The following EFCAB8 variants were observed in gnomAD, a reference collection of about 807,000 sequenced individuals.
The protein encoded by EFCAB8 is EF-hand calcium-binding domain-containing protein 8.
In EFCAB8, 100 loss-of-function variants were observed where a neutral mutation model predicts 116.3. That is an observed-to-expected ratio of 0.86 (90% CI 0.73 to 1.02). The LOEUF (loss-of-function observed/expected upper bound fraction) is 1.02. Among genes scored for constraint, EFCAB8 ranks in the 50% least tolerant of loss-of-function variants. The pLI is 0.00. For missense variants in EFCAB8, 1,320 were observed against 1,416.9 expected (o/e 0.93, Z 1.10); for synonymous variants, 558 against 567.9 (o/e 0.98, Z 0.25).
Position 32,961,161 on chromosome 20 carries a change from T to C in EFCAB8, c.3419T>C (p.Leu1140Pro). 6.4e-7 allele frequency: 1 copy of C among 1,552,258 alleles called. No individual in the cohort carries two copies. Among genetic ancestry groups the C allele is most frequent in the East Asian group, 2.4e-5 (1 of 40,910 alleles). ...HQISPQVYQS[L>P]HFSDLMPTQQ... Reference sequence around the variant, plus strand: ...ATCTCGCCTCAGGTCTACCAAAGCCTGCACTTCAGTGATCTGATGCCGACT... The same window carrying C: ...ATCTCGCCTCAGGTCTACCAAAGCCCGCACTTCAGTGATCTGATGCCGACT... Residue 1140 changes from leucine (L) to proline (P), a missense_variant, in exon 27 of 27, where the codon CTG (leucine) becomes CCG (proline). By Grantham distance (98) the Leu-to-Pro change is moderately conservative (BLOSUM62 -3). Transcript: ENST00000400522.
intron 7 of EFCAB8, among the ~76,000 whole-genome samples, chr20:32,890,000 T>TAA (rs35488921): frequency 1.3e-4 from 15 of 113,478 alleles, no homozygotes; most frequent in East Asian, 5.5e-4. Flanking sequence ...GACTCAGTCT[T>TAA]AAAAAAAAAA....
At chr20:32,951,138 G>A (rs6119310) in intron 23 of EFCAB8, among the ~76,000 whole-genome samples, 35,212 of 152,146 alleles carry the variant, frequency 0.23, 4,454 homozygotes, top group Middle Eastern at 0.3. Context: ...AAGCATTTTG[G>A]CAGTTTCTTA....
chr20:32,935,172 T>TTTTC (rs1396936973), intron 22 of EFCAB8, among the ~76,000 whole-genome samples: 10 of 105,744 alleles, frequency 9.5e-5, no homozygotes, highest in Non-Finnish European at 1.8e-4. Context: ...TTCTCTTCTC[T>TTTTC]TTTCTTTCTT....
At chr20:32,931,981 T>C (rs113346630) in intron 22 of EFCAB8, among the ~76,000 whole-genome samples, 45 of 151,774 alleles carry the variant, frequency 3.0e-4, no homozygotes, top group Middle Eastern at 3.4e-3. Context: ...GTTGGGGGAG[T>C]GGAGAGGCTG....
Position 32,918,431 on chromosome 20 carries a change from T to C in EFCAB8, c.2131T>C (p.Trp711Arg). Residue 711 changes from tryptophan to arginine, a missense_variant, in exon 19 of 27, where the codon TGG becomes CGG. Coordinates refer to ENST00000400522, the MANE Select transcript of EFCAB8 (RefSeq NM_001143967.2). ...PSRPYVEREK[W>R]TYKTSRKLSS... is the part of the protein sequence containing the mutation. Reference sequence around the variant, plus strand: ...CAGACCCTATGTGGAGCGGGAGAAGTGGACATACAAGACCTCCAGGAAGCT... The same window carrying C: ...CAGACCCTATGTGGAGCGGGAGAAGCGGACATACAAGACCTCCAGGAAGCT... The C allele has an allele frequency of 6.4e-7, 1 of 1,551,668 alleles. No homozygotes were observed. Among genetic ancestry groups the C allele is most frequent in the Non-Finnish European group, 8.7e-7 (1 of 1,146,984 alleles).
intron 5 of EFCAB8, among the ~76,000 whole-genome samples, chr20:32,883,817 A>G (rs1228401622): frequency 1.3e-5 from 2 of 151,994 alleles, no homozygotes; most frequent in East Asian, 3.9e-4. Context: ...CAGCCTCCTG[A>G]GTAGCTGGGA....
intron 20 of EFCAB8, among the ~76,000 whole-genome samples, chr20:32,925,371 C>T (rs987460553): frequency 3.3e-5 from 5 of 152,108 alleles, no homozygotes; most frequent in African/African-American, 1.2e-4. Context: ...AGGTGTGTGC[C>T]ACCACACCTG....
intron 3 of EFCAB8, 51 bp from the exon 4 acceptor site, chr20:32,875,875 G>T: frequency 2.7e-6 from 4 of 1,507,050 alleles, no homozygotes; most frequent in Non-Finnish European, 3.6e-6. Flanking sequence ...GCAGTGATGG[G>T]CCGAGGGACT....
chr20:32,898,721 G>A, intron 11 of EFCAB8, 98 bp downstream of exon 11: 1 of 662,142 alleles, frequency 1.5e-6, no homozygotes. Context: ...GGTGGTTGGT[G>A]TATGGACTCT....
intron 3 of EFCAB8, among the ~76,000 whole-genome samples, chr20:32,869,023 C>T (rs1246424657): frequency 6.6e-6 from 1 of 151,906 alleles, no homozygotes; most frequent in Non-Finnish European, 1.5e-5. Context: ...GTGGAATCAT[C>T]TTGGGGTTGA....
chr20:32,902,702 C>T (rs1007821816), intron 11 of EFCAB8, among the ~76,000 whole-genome samples: 2 of 152,204 alleles, frequency 1.3e-5, no homozygotes, highest in African/African-American at 4.8e-5. Flanking sequence ...CCCGTTTTGG[C>T]GATGCCATCT....
At chr20:32,941,463 A>G (rs1242788902) in intron 22 of EFCAB8, among the ~76,000 whole-genome samples, 1 of 149,754 alleles carries the variant, frequency 6.7e-6, no homozygotes, top group Non-Finnish European at 1.5e-5. Flanking sequence ...ACAAAAGTGG[A>G]AACAACCCAA....
chr20:32,955,533 C>T, intron 23 of EFCAB8, among the ~76,000 whole-genome samples: 1 of 152,100 alleles, frequency 6.6e-6, no homozygotes, highest in East Asian at 1.9e-4. Context: ...GAACAATACC[C>T]TGTCTCAAAA....
chr20:32,880,178 C>T (rs192881851), intron 5 of EFCAB8, among the ~76,000 whole-genome samples: 394 of 152,018 alleles, frequency 2.6e-3, no homozygotes, highest in Middle Eastern at 0.017. Flanking sequence ...GACCAGGCCA[C>T]GGGGAAGTCA....
chr20:32,953,806 T>G (rs1409238171), intron 23 of EFCAB8, among the ~76,000 whole-genome samples: 1 of 152,064 alleles, frequency 6.6e-6, no homozygotes, highest in Admixed American at 6.6e-5. Flanking sequence ...TTGATTGTGG[T>G]TTTTGTTTGT....
chr20:32,959,501 G>T (rs530198760), intron 24 of EFCAB8, among the ~76,000 whole-genome samples: 3 of 152,302 alleles, frequency 2.0e-5, no homozygotes, highest in African/African-American at 7.2e-5. Context: ...AGTCCACAAG[G>T]GGAGGTCCAG....
chr20:32,900,346 T>C (rs1050240160), intron 11 of EFCAB8, among the ~76,000 whole-genome samples: 1 of 152,098 alleles, frequency 6.6e-6, no homozygotes, highest in Non-Finnish European at 1.5e-5. Context: ...CCTCATTATA[T>C]GTCCAGTGCC....
At chr20:32,894,970 C>T (rs911254589) in intron 9 of EFCAB8, among the ~76,000 whole-genome samples, 2 of 152,258 alleles carry the variant, frequency 1.3e-5, no homozygotes, top group Non-Finnish European at 2.9e-5. Flanking sequence ...TTCCTCCTGC[C>T]CTTGCAAGAT....
intron 20 of EFCAB8, among the ~76,000 whole-genome samples, chr20:32,921,393 T>TGTG (rs752656858): frequency 0.074 from 7,904 of 107,378 alleles, 655 homozygotes; most frequent in African/African-American, 0.2. Flanking sequence ...GTGTGTGTGT[T>TGTG]TTTGTAGAGA....
Sources: allele counts gnomAD v4.1 joint callset (sites outside exome capture counted in the v4.1 genomes callset), GRCh38; gene constraint gnomAD v4.1.1; transcripts MANE v1.5; gene names NCBI Gene and HGNC (gene_info 2026-07-23, HGNC 2026-07-21).